SYNJ2: variants seen among roughly 807,000 people sequenced by gnomAD.
SYNJ2 encodes the protein synaptojanin 2.
A neutral mutation model predicts 141.3 loss-of-function variants in SYNJ2; 116 were observed. The observed-to-expected ratio is 0.82, with a 90% confidence interval of 0.71 to 0.96. The LOEUF is 0.96. Among genes scored for constraint, SYNJ2 ranks in the 40% least tolerant of loss-of-function variants. The probability of loss-of-function intolerance (pLI) is 0.00; values close to 1 mark genes in which losing one functional copy is unlikely to be tolerated. For missense variants in SYNJ2, 1,873 were observed against 1,934.8 expected (o/e 0.97, Z 0.60); for synonymous variants, 745 against 777.7 (o/e 0.96, Z 0.70).
chr6:158,041,994 C>T (rs918046186), intron 4 of SYNJ2, among the ~76,000 whole-genome samples: 1 of 152,220 alleles, frequency 6.6e-6, no homozygotes, highest in Non-Finnish European at 1.5e-5. Flanking sequence ...GGACCGTAGG[C>T]GTGAGTCACT....
chr6:158,045,043 A>G (rs1253951802), intron 5 of SYNJ2, among the ~76,000 whole-genome samples: 1 of 151,256 alleles, frequency 6.6e-6, no homozygotes, highest in Non-Finnish European at 1.5e-5. Flanking sequence ...AGAATTTGGG[A>G]AGGACCCTTT....
chr6:158,033,053 A>G (rs1195089452), intron 3 of SYNJ2, among the ~76,000 whole-genome samples: 1 of 152,190 alleles, frequency 6.6e-6, no homozygotes, highest in African/African-American at 2.4e-5. Flanking sequence ...ATAATAAAAG[A>G]TGATTAATTT....
chr6:158,074,922 C>CCT (rs1175582218), intron 16 of SYNJ2, among the ~76,000 whole-genome samples, 184 bp downstream of exon 16: 9 of 45,256 alleles, frequency 2.0e-4, no homozygotes, highest in Non-Finnish European at 2.6e-4. Context: ...CACTTCCTGT[C>CCT]CTTTTTTTTT....
intron 2 of SYNJ2, chr6:158,017,816 A>C (rs1583324096): frequency 3.8e-6 from 2 of 529,082 alleles, no homozygotes; most frequent in East Asian, 5.5e-5. Context: ...CCTGGTTGTC[A>C]CCTGCCTGTG....
Position 158,066,532 on chromosome 6 carries a change from C to T in SYNJ2, c.1614C>T (p.Asn538=), listed in dbSNP as rs139026643. Residue 538 remains asparagine (N), a synonymous_variant, in exon 12 of 27, where the codon AAC becomes AAT. Transcript: ENST00000355585. ...KRIRIAMGTW[N]VNGGKQFRSN... Reference sequence around the variant, plus strand: ...TCCGGATTGCTATGGGGACCTGGAACGTGAACGGAGGAAAGCAGTTCCGGA... The same window carrying T: ...TCCGGATTGCTATGGGGACCTGGAATGTGAACGGAGGAAAGCAGTTCCGGA... 114 of 1,614,060 alleles carry T rather than the reference C, an allele frequency of 7.1e-5. No homozygotes were observed. Among genetic ancestry groups the T allele is most frequent in the South Asian group, 3.3e-5 (3 of 91,094 alleles).
intron 1 of SYNJ2, among the ~76,000 whole-genome samples, chr6:158,010,563 G>A (rs537875059): frequency 2.9e-4 from 44 of 152,286 alleles, no homozygotes; most frequent in African/African-American, 9.4e-4. Flanking sequence ...TTAAAAGGAC[G>A]GGCCCACCAA....
At chr6:158,028,456 T>C (rs1273824280) in intron 2 of SYNJ2, 1 of 443,060 alleles carries the variant, frequency 2.3e-6, no homozygotes, top group Non-Finnish European at 4.1e-6. Flanking sequence ...GGAGGGCTTG[T>C]TAAAGCAAAG....
At chr6:158,065,845 G>A (rs1030563791) in intron 11 of SYNJ2, among the ~76,000 whole-genome samples, 1 of 152,224 alleles carries the variant, frequency 6.6e-6, no homozygotes, top group Non-Finnish European at 1.5e-5. Flanking sequence ...ACATGAGTTA[G>A]ATTTGGTTTA....
Position 158,024,647 on chromosome 6 carries a change from C to T in SYNJ2, c.215-4109C>T, listed in dbSNP as rs543799171. On this transcript the variant is annotated intron_variant, in intron 2 of 26. Coordinates refer to ENST00000355585, the MANE Select transcript of SYNJ2 (RefSeq NM_003898.4). ...GTATCACTGGAACGATAAACCAGAACGCTCTCTTTTTAAACACTTGGAGTT... is the reference window on the plus strand; with the variant it reads ...GTATCACTGGAACGATAAACCAGAATGCTCTCTTTTTAAACACTTGGAGTT... 1.3e-4 allele frequency among the ~76,000 whole-genome samples: 20 copies of T among 152,268 alleles called. No individual in the cohort carries two copies. The South Asian group carries it at 3.1e-3, about 24-fold the overall frequency.
At chr6:158,051,008 C>T (rs527743613) in intron 5 of SYNJ2, among the ~76,000 whole-genome samples, 11 of 152,056 alleles carry the variant, frequency 7.2e-5, no homozygotes, top group South Asian at 6.3e-4. Context: ...TATATGTTAA[C>T]GGGGGAGCTA....
chr6:157,992,187 G>A (rs991087757), intron 1 of SYNJ2, among the ~76,000 whole-genome samples: 14 of 152,050 alleles, frequency 9.2e-5, no homozygotes, highest in Admixed American at 9.2e-4. Flanking sequence ...TCACCATGTT[G>A]TGCTATCAAG....
At chr6:158,021,668 CA>C (rs1778778858) in intron 2 of SYNJ2, among the ~76,000 whole-genome samples, 1 of 152,092 alleles carries the variant, frequency 6.6e-6, no homozygotes, top group Non-Finnish European at 1.5e-5. Context: ...GGCTCCTCTG[CA>C]CAGGCTAGCA....
At chr6:158,011,115 G>A (rs553500720) in intron 1 of SYNJ2, among the ~76,000 whole-genome samples, 13 of 152,222 alleles carry the variant, frequency 8.5e-5, no homozygotes, top group Admixed American at 2.6e-4. Flanking sequence ...GACACCACGC[G>A]GGGAGAGGAT....
At position 158,070,027 on chromosome 6, in the gene SYNJ2, C is replaced by A; in HGVS notation, c.1940+354C>A. 1.6e-6 allele frequency: 1 copy of A among 611,496 alleles called. No individual in the cohort carries two copies. The highest frequency in any genetic ancestry group is 2.1e-6 in the Non-Finnish European group (1 of 481,422). 37.9% of individuals were successfully genotyped at this position (611,496 alleles called of 1,614,324 possible). A position where few individuals can be genotyped will look rare whatever the true frequency, so the allele number is the denominator to read the frequency against. On this transcript the variant is annotated intron_variant, in intron 14 of 26. Transcript: ENST00000355585. This position sits in a 1 kb window ranked among gnomAD's most constrained non-coding sequence, Gnocchi z 4.0. ...GAGCTGAGTAACTCACTGGGAAATG[C>A]CAACTCTTTTGTCCCTTTTTAAAAG... is the stretch of plus-strand genomic sequence containing the variant.
rs2128405657 is a variant in SYNJ2, at chr6:158,097,427, A to G, written c.*1063A>G. 6.6e-6 allele frequency: 1 copy of G among 152,330 alleles called. No homozygotes were observed. Among genetic ancestry groups the G allele is most frequent in the Non-Finnish European group, 1.5e-5 (1 of 68,024 alleles). 9.4% of individuals were successfully genotyped at this position (152,330 alleles called of 1,614,324 possible). ...TCCAACAGCACTTCTCACCTATTCA[A>G]TAACTGAAAAAGACATTACCATAGT... is the stretch of plus-strand genomic sequence containing the variant. On this transcript the variant is annotated 3_prime_UTR_variant, in exon 27 of 27. Transcript: ENST00000355585.
Position 158,042,710 on chromosome 6 carries a change from A to T in SYNJ2, c.712-606A>T, listed in dbSNP as rs554637402. Among the ~76,000 whole-genome samples, 3 of 152,286 alleles carry T rather than the reference A, an allele frequency of 2.0e-5. No individual in the cohort carries two copies. The South Asian group carries it at 6.2e-4, about 32-fold the overall frequency. On this transcript the variant is annotated intron_variant, in intron 4 of 26. Coordinates refer to ENST00000355585, the MANE Select transcript of SYNJ2 (RefSeq NM_003898.4). ...TTTGTTTCTCTGCAGGTGCTGTCACACTGGAAGCTTGTGGAAACCGTGTTG... is the reference window on the plus strand; with the variant it reads ...TTTGTTTCTCTGCAGGTGCTGTCACTCTGGAAGCTTGTGGAAACCGTGTTG...
chr6:158,062,676 G>A (rs1442231104), intron 8 of SYNJ2, among the ~76,000 whole-genome samples: 1 of 152,076 alleles, frequency 6.6e-6, no homozygotes, highest in Non-Finnish European at 1.5e-5. Flanking sequence ...CTCATTATTT[G>A]CAGATTCCAT....
chr6:158,069,395 A>T (rs748359754), intron 13 of SYNJ2, 138 bp from the exon 14 acceptor site: 91 of 1,094,322 alleles, frequency 8.3e-5, no homozygotes, highest in Non-Finnish European at 1.1e-4. Context: ...GAAGGAAAGC[A>T]TGACACTAAT....
chr6:158,073,662 C>T (rs1398143352), intron 15 of SYNJ2, among the ~76,000 whole-genome samples: 1 of 152,188 alleles, frequency 6.6e-6, no homozygotes, highest in Admixed American at 6.5e-5. Flanking sequence ...TCAGATGGCA[C>T]AGAGAACATT....
Sources: allele counts gnomAD v4.1 joint callset (sites outside exome capture counted in the v4.1 genomes callset), GRCh38; gene constraint gnomAD v4.1.1; non-coding constraint Gnocchi (gnomAD v3.1); transcripts MANE v1.5; gene names NCBI Gene and HGNC (gene_info 2026-07-23, HGNC 2026-07-21).